WDPCP: variants seen among roughly 807,000 people sequenced by gnomAD.
WDPCP encodes the protein WD repeat-containing and planar cell polarity effector protein fritz homolog.
In WDPCP, 71 loss-of-function variants were observed where a neutral mutation model predicts 93.1. The ratio of observed to expected loss-of-function variants is 0.76; its 90% confidence interval spans 0.63 to 0.93. The LOEUF (loss-of-function observed/expected upper bound fraction) is 0.93, where lower values mean the gene tolerates loss of function less well. Among genes scored for constraint, WDPCP ranks in the 40% least tolerant of loss-of-function variants. The pLI, the probability that WDPCP is intolerant of heterozygous loss-of-function variation, is 0.00. For missense variants in WDPCP, 844 were observed against 887.4 expected (o/e 0.95, Z 0.62); for synonymous variants, 315 against 315.0 (o/e 1.00, Z 0.00).
chr2:63,597,520 A>G (rs1245419397), intron 3 of WDPCP: 9 of 1,506,178 alleles, frequency 6.0e-6, no homozygotes, highest in Non-Finnish European at 7.1e-6. Flanking sequence ...CAAATGTGAA[A>G]ATCTTCAAAT....
chr2:63,179,202 G>GA (rs1674048024), intron 14 of WDPCP, among the ~76,000 whole-genome samples: 1 of 130,592 alleles, frequency 7.7e-6, no homozygotes. Context: ...CCTGTCTCGG[G>GA]GGGAAAAAAA....
chr2:63,376,082 C>CA (rs1691832785), intron 12 of WDPCP, among the ~76,000 whole-genome samples: 1 of 151,968 alleles, frequency 6.6e-6, no homozygotes, highest in South Asian at 2.1e-4. Flanking sequence ...TTCTCTTCCC[C>CA]TGAGCATGAG....
In WDPCP at chr2:63,259,305, A is replaced by T; in HGVS notation, c.1915+2T>A. The T allele has an allele frequency of 6.2e-7, 1 of 1,611,916 alleles. No homozygotes were observed. Among genetic ancestry groups the T allele is most frequent in the South Asian group, 1.1e-5 (1 of 91,052 alleles). Reference sequence around the variant, plus strand: ...GCACTTAAAAATAGCGTTAATTCTTACCAACCCCAGAGGTTATTGATTCTG... The same window carrying T: ...GCACTTAAAAATAGCGTTAATTCTTTCCAACCCCAGAGGTTATTGATTCTG... On this transcript the variant is annotated splice_donor_variant, in intron 14 of 17. Coordinates refer to ENST00000272321, the MANE Select transcript of WDPCP (RefSeq NM_015910.7). LOFTEE classifies it high-confidence loss of function.
chr2:63,823,980 C>A (rs570711676), intron 1 of WDPCP, among the ~76,000 whole-genome samples: 11 of 151,960 alleles, frequency 7.2e-5, no homozygotes, highest in Admixed American at 7.2e-4. Context: ...TTGAGACCAG[C>A]CTGAGCAACA....
At chr2:63,165,629 A>G (rs962196974) in intron 15 of WDPCP, among the ~76,000 whole-genome samples, 6 of 150,784 alleles carry the variant, frequency 4.0e-5, no homozygotes, top group Non-Finnish European at 5.9e-5. Flanking sequence ...CTTTTATGAA[A>G]ATTGGTGTGC....
intron 12 of WDPCP, among the ~76,000 whole-genome samples, chr2:63,319,442 T>C (rs1013032267): frequency 1.3e-5 from 2 of 152,216 alleles, no homozygotes; most frequent in African/African-American, 4.8e-5. Flanking sequence ...TGTGTGAGAC[T>C]AAGGGTTATC....
intron 12 of WDPCP, among the ~76,000 whole-genome samples, chr2:63,355,068 C>T (rs1243628543): frequency 3.9e-5 from 6 of 152,162 alleles, no homozygotes; most frequent in Admixed American, 3.3e-4. Flanking sequence ...GAGGGGCCAA[C>T]AGTCAAACTC....
chr2:63,716,156 C>G (rs928246611), intron 2 of WDPCP, among the ~76,000 whole-genome samples: 1 of 152,212 alleles, frequency 6.6e-6, no homozygotes, highest in Non-Finnish European at 1.5e-5. Context: ...TTGATGAGCT[C>G]TGAAGGGACA....
intron 1 of WDPCP, among the ~76,000 whole-genome samples, chr2:63,559,274 T>A (rs1164671440): frequency 6.6e-6 from 1 of 152,166 alleles, no homozygotes; most frequent in Non-Finnish European, 1.5e-5. Context: ...ATGGAATCTA[T>A]CTCAAAATAA....
chr2:63,163,734 C>T (rs1672784455), intron 15 of WDPCP, among the ~76,000 whole-genome samples: 1 of 152,070 alleles, frequency 6.6e-6, no homozygotes, highest in African/African-American at 2.4e-5. Flanking sequence ...GAATTATAGG[C>T]TGTAATTTTT....
chr2:63,826,827 TTTCTAACTTTGAAG>T (rs1291854051), intron 1 of WDPCP, among the ~76,000 whole-genome samples: 1 of 152,160 alleles, frequency 6.6e-6, no homozygotes. Flanking sequence ...ATATATCATT[TTTCTAACTTTGAAG>T]TTCTAATTTT....
At chr2:63,829,506 A>T (rs1671162479), upstream of WDPCP, among the ~76,000 whole-genome samples, 1 of 152,030 alleles carries the variant, frequency 6.6e-6, no homozygotes. Context: ...CAGTTCCAGT[A>T]CTCTCCATTT....
chr2:63,568,852 T>A (rs1707271147), intron 1 of WDPCP, among the ~76,000 whole-genome samples: 1 of 152,232 alleles, frequency 6.6e-6, no homozygotes. Flanking sequence ...AGGGCAAATA[T>A]TTAGGCTAAA....
chr2:63,619,267 G>T (rs1709706514), intron 3 of WDPCP, among the ~76,000 whole-genome samples: 2 of 152,192 alleles, frequency 1.3e-5, no homozygotes, highest in African/African-American at 4.8e-5. Flanking sequence ...CAGATCATCA[G>T]AGAAAATTAT....
intron 17 of WDPCP, among the ~76,000 whole-genome samples, chr2:63,126,675 T>TG (rs980917924): frequency 1.4e-4 from 20 of 148,110 alleles, no homozygotes; most frequent in African/African-American, 3.0e-4. Flanking sequence ...TGTTTTTTTT[T>TG]TTTTTTTTTT....
chr2:63,631,873 G>C (rs1014928537), intron 3 of WDPCP, among the ~76,000 whole-genome samples: 18 of 152,202 alleles, frequency 1.2e-4, no homozygotes, highest in Non-Finnish European at 4.4e-5. Context: ...AGCTTTCACT[G>C]TGGAGAACCC....
intron 1 of WDPCP, among the ~76,000 whole-genome samples, chr2:63,583,707 A>G (rs1234095709): frequency 1.3e-5 from 2 of 152,092 alleles, no homozygotes; most frequent in Non-Finnish European, 2.9e-5. Flanking sequence ...AGAAATTTTG[A>G]AAAATGTAAA....
At chr2:63,319,963 G>T (rs1180679386) in intron 12 of WDPCP, among the ~76,000 whole-genome samples, 1 of 152,054 alleles carries the variant, frequency 6.6e-6, no homozygotes, top group African/African-American at 2.4e-5. Flanking sequence ...TAGAAATGAA[G>T]TCATTAGTCA....
intron 1 of WDPCP, among the ~76,000 whole-genome samples, chr2:63,551,340 G>A (rs193001007): frequency 3.9e-5 from 6 of 152,264 alleles, no homozygotes; most frequent in East Asian, 1.9e-4. Context: ...GGGGCCTGGC[G>A]GGAGGTGTTT....
Sources: gnomAD v4.1 joint callset for allele counts (sites outside exome capture counted in the v4.1 genomes callset) on GRCh38, gnomAD v4.1.1 for gene constraint, MANE v1.5 for transcripts, NCBI Gene and HGNC (gene_info 2026-07-23, HGNC 2026-07-21) for gene names.